Variants in CACNA2D1 observed in about 807,000 individuals in gnomAD.
The protein encoded by CACNA2D1 is calcium voltage-gated channel auxiliary subunit alpha2delta 1.
Under a neutral mutation model 171.5 loss-of-function variants are expected in CACNA2D1, and 53 were observed. The observed-to-expected ratio is 0.31, with a 90% CI of 0.25 to 0.39. CACNA2D1 has a LOEUF of 0.39. CACNA2D1 is among the 10% of genes least tolerant of loss of function. The pLI, the probability that CACNA2D1 is intolerant of heterozygous loss-of-function variation, is 1.00. For missense variants in CACNA2D1, 903 were observed against 1,299.8 expected (o/e 0.69, Z 4.69); for synonymous variants, 442 against 443.1 (o/e 1.00, Z 0.03).
At chr7:82,079,312 G>A (rs914314225) in intron 7 of CACNA2D1, among the ~76,000 whole-genome samples, 1 of 152,230 alleles carries the variant, frequency 6.6e-6, no homozygotes, top group East Asian at 1.9e-4. Context: ...CTTTCCAAAG[G>A]TCATCATCAT....
chr7:82,342,716 T>C (rs1166813329), intron 2 of CACNA2D1, among the ~76,000 whole-genome samples: 1 of 152,160 alleles, frequency 6.6e-6, no homozygotes, highest in Non-Finnish European at 1.5e-5. Flanking sequence ...AATAGTCACA[T>C]AAATGAAACT....
intron 10 of CACNA2D1, among the ~76,000 whole-genome samples, chr7:82,049,040 A>G (rs1398343404): frequency 1.3e-5 from 2 of 150,840 alleles, no homozygotes; most frequent in Non-Finnish European, 2.9e-5. Context: ...AATTAATGGG[A>G]AAAAAATACT....
At chr7:82,041,057 G>T (rs954580095) in intron 10 of CACNA2D1, among the ~76,000 whole-genome samples, 2 of 151,920 alleles carry the variant, frequency 1.3e-5, no homozygotes, top group African/African-American at 4.8e-5. Flanking sequence ...GGGTTGGGGG[G>T]GTGGGGAGGG....
intron 10 of CACNA2D1, among the ~76,000 whole-genome samples, chr7:82,045,463 T>C (rs1804446923): frequency 6.6e-6 from 1 of 152,152 alleles, no homozygotes; most frequent in Non-Finnish European, 1.5e-5. Context: ...ATCTGTAACC[T>C]TACTGATGTT....
chr7:82,064,235 C>T (rs1807324073), intron 9 of CACNA2D1, 69 bp downstream of exon 9: 1 of 1,067,460 alleles, frequency 9.4e-7, no homozygotes, highest in African/African-American at 1.6e-5. Flanking sequence ...CTTAGTCCCA[C>T]CATACTACTG....
chr7:82,235,563 T>A (rs1339119631), intron 3 of CACNA2D1, among the ~76,000 whole-genome samples: 1 of 152,188 alleles, frequency 6.6e-6, no homozygotes, highest in Non-Finnish European at 1.5e-5. Context: ...AAAATGTTGA[T>A]AACAGTAATA....
intron 4 of CACNA2D1, among the ~76,000 whole-genome samples, chr7:82,159,444 A>C (rs3801729): frequency 0.4 from 60,416 of 151,548 alleles, 12,288 homozygotes; most frequent in Middle Eastern, 0.53. Flanking sequence ...TATTCCATCA[A>C]ATCACTAGCT....
chr7:82,270,486 A>G (rs190052815), intron 3 of CACNA2D1, among the ~76,000 whole-genome samples: 5 of 152,204 alleles, frequency 3.3e-5, no homozygotes, highest in African/African-American at 7.2e-5. Context: ...TATTTATCCA[A>G]TCTTTCGTTA....
chr7:82,271,699 T>C (rs1204507084), intron 3 of CACNA2D1, among the ~76,000 whole-genome samples: 5 of 152,118 alleles, frequency 3.3e-5, no homozygotes, highest in Non-Finnish European at 7.4e-5. Flanking sequence ...TGCACAGTTA[T>C]TAATTAGAGC....
intron 3 of CACNA2D1, among the ~76,000 whole-genome samples, chr7:82,204,746 G>T (rs1430224020): frequency 6.6e-6 from 1 of 152,164 alleles, no homozygotes; most frequent in Non-Finnish European, 1.5e-5. Context: ...CAGGGCCTGT[G>T]TGCCCAGAGC....
chr7:81,951,636 T>C (rs1792531085), intron 38 of CACNA2D1, among the ~76,000 whole-genome samples: 1 of 152,130 alleles, frequency 6.6e-6, no homozygotes, highest in African/African-American at 2.4e-5. Flanking sequence ...AAAAATGGTC[T>C]CCAACTCCAT....
chr7:82,025,412 A>C (rs933598840), intron 12 of CACNA2D1, among the ~76,000 whole-genome samples: 1 of 151,526 alleles, frequency 6.6e-6, no homozygotes, highest in Non-Finnish European at 1.5e-5. Flanking sequence ...TTTTGGGTCT[A>C]TTGTAAATGA....
At chr7:82,429,984 C>T (rs1193201216) in intron 1 of CACNA2D1, among the ~76,000 whole-genome samples, 1 of 152,170 alleles carries the variant, frequency 6.6e-6, no homozygotes, top group East Asian at 1.9e-4. Context: ...AGTCCCCCAA[C>T]ATTTTTGCAG....
At chr7:82,347,617 G>A (rs1016379781) in intron 2 of CACNA2D1, among the ~76,000 whole-genome samples, 3 of 151,998 alleles carry the variant, frequency 2.0e-5, no homozygotes, top group African/African-American at 4.8e-5. Flanking sequence ...GAGGCAATAC[G>A]GAATCATCTG....
intron 6 of CACNA2D1, among the ~76,000 whole-genome samples, chr7:82,106,797 G>A (rs1419371766): frequency 6.6e-6 from 1 of 152,048 alleles, no homozygotes; most frequent in Non-Finnish European, 1.5e-5. Flanking sequence ...AAAAATATAT[G>A]ATATGATATT....
intron 3 of CACNA2D1, among the ~76,000 whole-genome samples, chr7:82,300,622 G>A (rs80004211): frequency 0.047 from 7,116 of 152,132 alleles, 196 homozygotes; most frequent in South Asian, 0.089. Flanking sequence ...CGTCAACCAT[G>A]TTTTCCAACT....
At chr7:82,427,639 A>G (rs1187258651) in intron 1 of CACNA2D1, among the ~76,000 whole-genome samples, 1 of 152,198 alleles carries the variant, frequency 6.6e-6, no homozygotes, top group Non-Finnish European at 1.5e-5. Context: ...ATGAAGTTTT[A>G]TCAATGGGAA....
At chr7:82,084,021 A>C (rs1810130572) in intron 7 of CACNA2D1, among the ~76,000 whole-genome samples, 1 of 152,146 alleles carries the variant, frequency 6.6e-6, no homozygotes, top group Non-Finnish European at 1.5e-5. Context: ...AAGAAAACGC[A>C]TTTTATGTTT....
intron 3 of CACNA2D1, among the ~76,000 whole-genome samples, chr7:82,247,583 A>C (rs1805086158): frequency 6.6e-6 from 1 of 152,126 alleles, no homozygotes; most frequent in Admixed American, 6.5e-5. Context: ...TCCAAAGTAA[A>C]TCCAAGCATG....
Sources: allele counts gnomAD v4.1 joint callset (sites outside exome capture counted in the v4.1 genomes callset), GRCh38; gene constraint gnomAD v4.1.1; transcripts MANE v1.5; gene names NCBI Gene and HGNC (gene_info 2026-07-23, HGNC 2026-07-21).